The following ANO3 variants were observed in gnomAD, a reference collection of about 807,000 sequenced individuals.
ANO3 encodes anoctamin-3.
Under a neutral mutation model 144.8 loss-of-function variants are expected in ANO3, and 99 were observed. The observed-to-expected ratio is 0.68, with a 90% CI of 0.58 to 0.81. The LOEUF is 0.81. Ranked by LOEUF, ANO3 falls within the 30% of genes least tolerant of loss-of-function variation. The pLI is 0.00. For synonymous variants in ANO3, 414 were observed against 392.6 expected (o/e 1.05, Z -0.64); for missense variants, 905 against 1,202.2 (o/e 0.75, Z 3.66).
chr11:26,262,540 C>T (rs995478783), intron 1 of ANO3, among the ~76,000 whole-genome samples: 3 of 151,992 alleles, frequency 2.0e-5, no homozygotes, highest in African/African-American at 7.2e-5. Flanking sequence ...GCACAGTACA[C>T]GAAATATAAT....
intron 1 of ANO3, among the ~76,000 whole-genome samples, chr11:26,301,489 A>G (rs1249095264): frequency 6.6e-6 from 1 of 152,190 alleles, no homozygotes; most frequent in Non-Finnish European, 1.5e-5. Context: ...ACACCTTTGT[A>G]CTGTTTTAGG....
chr11:26,553,944 T>C (rs293969), intron 13 of ANO3, among the ~76,000 whole-genome samples: 117,947 of 152,082 alleles, frequency 0.78, 45,886 homozygotes, highest in East Asian at 0.83. Context: ...TTTATAGAAG[T>C]GTAATTAACA....
rs1484879906 is a variant in ANO3 at position 26,525,673 on chromosome 11, T to C, written c.731T>C (p.Met244Thr). 3 of 1,609,974 alleles carry C rather than the reference T, an allele frequency of 1.9e-6. No individual in the cohort carries two copies. Among genetic ancestry groups the C allele is most frequent in the Non-Finnish European group, 2.5e-6 (3 of 1,178,242 alleles). The part of the protein sequence containing the change: ...CYYTDGRSKS[M>T]GRMQTYFRRI... ...TACACTGACGGGAGGAGCAAATCAA[T>C]GGGCAGGTTGGTGGGTGATGAATCA... Residue 244 changes from methionine to threonine, a missense_variant, in exon 7 of 27, where the codon ATG becomes ACG. Physicochemically the swap from Met to Thr is moderately conservative, Grantham distance 81. Transcript: ENST00000256737.
At chr11:26,440,322 G>C (rs1035454504) in intron 1 of ANO3, among the ~76,000 whole-genome samples, 1 of 151,934 alleles carries the variant, frequency 6.6e-6, no homozygotes, top group Admixed American at 6.6e-5. Flanking sequence ...TATTTATTTG[G>C]CTCATGTGTC....
intron 1 of ANO3, chr11:26,287,872 C>T (rs1184584180): frequency 6.6e-6 from 1 of 152,152 alleles, no homozygotes. Context: ...AGTTGAAACT[C>T]ACATTTATTT....
chr11:26,597,196 G>A (rs1851657978), intron 14 of ANO3, among the ~76,000 whole-genome samples: 1 of 152,132 alleles, frequency 6.6e-6, no homozygotes. Context: ...GATGGTGGCA[G>A]GCCACTCCCA....
chr11:26,341,549 T>G (rs1460657580), intron 1 of ANO3, among the ~76,000 whole-genome samples: 1 of 152,202 alleles, frequency 6.6e-6, no homozygotes, highest in Non-Finnish European at 1.5e-5. Flanking sequence ...AAATTTCTAT[T>G]ACTTCATTTC....
upstream of ANO3, among the ~76,000 whole-genome samples, chr11:26,327,612 G>A (rs572492514): frequency 6.6e-6 from 1 of 152,304 alleles, no homozygotes; most frequent in African/African-American, 2.4e-5. Flanking sequence ...AGTGCTGCAA[G>A]AAAATATGGA....
intron 1 of ANO3, among the ~76,000 whole-genome samples, chr11:26,416,847 A>G (rs1403823165): frequency 6.6e-6 from 1 of 152,080 alleles, no homozygotes; most frequent in Non-Finnish European, 1.5e-5. Flanking sequence ...GAATATTGAT[A>G]TCACATACTT....
rs961686757 is a variant in ANO3, at chr11:26,608,211, A to C, written c.1836+8497A>C. Among the ~76,000 whole-genome samples, 31 of 152,256 alleles carry C rather than the reference A, an allele frequency of 2.0e-4. 1 individual carries two copies. Among genetic ancestry groups the C allele is most frequent in the African/African-American group, 7.2e-4 (30 of 41,538 alleles). ...GGTCTCTCTTCTGTAGGGCTGCTGC[A>C]GTTGACTGGGGGTTCCCTTCAGGCC... On this transcript the variant is annotated intron_variant, in intron 17 of 26. Transcript: ENST00000256737.
intron 1 of ANO3, among the ~76,000 whole-genome samples, chr11:26,292,499 T>C (rs1472765418): frequency 6.6e-6 from 1 of 152,086 alleles, no homozygotes; most frequent in Non-Finnish European, 1.5e-5. Context: ...GTGCTCTGAT[T>C]TTTAGAATTT....
intron 1 of ANO3, among the ~76,000 whole-genome samples, chr11:26,296,115 A>G (rs893851059): frequency 6.6e-6 from 1 of 152,246 alleles, no homozygotes. Context: ...TCTCAGTAGT[A>G]AATTGGCAGT....
intron 1 of ANO3, among the ~76,000 whole-genome samples, chr11:26,391,652 T>A (rs1856882832): frequency 6.6e-6 from 1 of 152,158 alleles, no homozygotes; most frequent in Admixed American, 6.6e-5. Flanking sequence ...TCTTCTGCAA[T>A]CTCTGTGGAT....
chr11:26,623,152 C>T (rs1271458796), intron 17 of ANO3, among the ~76,000 whole-genome samples: 1 of 152,154 alleles, frequency 6.6e-6, no homozygotes, highest in Non-Finnish European at 1.5e-5. Flanking sequence ...AATGAGAGTA[C>T]TGTACTCAGT....
In ANO3 at chr11:26,547,431, G is replaced by A. The variant is rs1466110282; in HGVS notation, c.1170G>A (p.Glu390=). Residue 390 remains glutamate, a synonymous_variant, in exon 12 of 27, where the codon GAG becomes GAA. Coordinates refer to ENST00000256737, the MANE Select transcript of ANO3 (RefSeq NM_031418.4). ...TCTCATGCAGGCTATACTTTGGTGA[G>A]AAGATTGGACTATACTTTGCTTGGC... The part of the protein sequence containing the change: ...PLDLIRLYFG[E]KIGLYFAWLG... 3 of 1,611,632 alleles carry A rather than the reference G, an allele frequency of 1.9e-6. No individual in the cohort carries two copies. Among genetic ancestry groups the A allele is most frequent in the Admixed American group, 1.7e-5 (1 of 59,874 alleles).
chr11:26,620,190 T>A (rs1441981389), intron 17 of ANO3, among the ~76,000 whole-genome samples: 1 of 152,174 alleles, frequency 6.6e-6, no homozygotes, highest in Non-Finnish European at 1.5e-5. Context: ...GAAATGTTCC[T>A]AAAAATATTT....
intron 13 of ANO3, among the ~76,000 whole-genome samples, chr11:26,558,709 C>T (rs1201417232): frequency 6.6e-6 from 1 of 152,064 alleles, no homozygotes; most frequent in African/African-American, 2.4e-5. Context: ...TTTATGATGA[C>T]TTGCTTTACA....
chr11:26,464,255 AATT>A (rs1859519434), intron 4 of ANO3, among the ~76,000 whole-genome samples: 1 of 151,784 alleles, frequency 6.6e-6, no homozygotes. Context: ...ATGGGCTAAT[AATT>A]AAGTTATCTT....
chr11:26,189,231 G>A, exon 1 of ANO3: 1 of 985,312 alleles, frequency 1.0e-6, no homozygotes, highest in Non-Finnish European at 1.2e-6. Context: ...CTTCAGACAT[G>A]AGCACGCTTC....
Sources: gnomAD v4.1 joint callset for allele counts (sites outside exome capture counted in the v4.1 genomes callset) on GRCh38, gnomAD v4.1.1 for gene constraint, MANE v1.5 for transcripts, NCBI Gene and HGNC (gene_info 2026-07-23, HGNC 2026-07-21) for gene names.